NTPCR: variants seen among roughly 807,000 people sequenced by gnomAD.
NTPCR encodes cancer-related nucleoside-triphosphatase.
In NTPCR, 15 loss-of-function variants were observed where a neutral mutation model predicts 19.5. The ratio of observed to expected loss-of-function variants is 0.77; its 90% confidence interval spans 0.51 to 1.18. The LOEUF (loss-of-function observed/expected upper bound fraction) is 1.18, where lower values mean the gene tolerates loss of function less well. NTPCR is among the 50% of genes most tolerant of loss of function. The probability of loss-of-function intolerance (pLI) is 0.00; values close to 1 mark genes in which losing one functional copy is unlikely to be tolerated. For missense variants in NTPCR, 206 were observed against 240.4 expected, an observed-to-expected ratio of 0.86 and a Z score of 0.95; for synonymous variants, 90 against 95.8, an observed-to-expected ratio of 0.94 and a Z score of 0.36.
At chr1:232,961,726 T>A (rs1291342041) in intron 3 of NTPCR, among the ~76,000 whole-genome samples, 2 of 152,226 alleles carry the variant, frequency 1.3e-5, no homozygotes, top group African/African-American at 2.4e-5. Context: ...ATGCTTTTTT[T>A]AAACATTTAT....
intron 3 of NTPCR, chr1:232,967,863 C>A (rs1420405178): frequency 1.3e-5 from 2 of 152,214 alleles, no homozygotes; most frequent in African/African-American, 4.8e-5. Context: ...CACTTGGGAA[C>A]AGTCGGGTCA....
chr1:232,963,162 T>C (rs1363428378), intron 3 of NTPCR: 1 of 152,230 alleles, frequency 6.6e-6, no homozygotes, highest in East Asian at 1.9e-4. Context: ...AATTAAAAGC[T>C]ATCTGGCGCA....
At position 232,969,938 on chromosome 1, in the gene NTPCR, AGT is replaced by A. The variant is rs772094652; in HGVS notation, c.328_329del (p.Cys110ArgfsTer4). 6 of 1,614,172 alleles carry A rather than the reference AGT, an allele frequency of 3.7e-6. No individual in the cohort carries two copies. The highest frequency in any genetic ancestry group is 4.2e-6 in the Non-Finnish European group (5 of 1,180,018). On this transcript the variant is annotated frameshift_variant, in exon 4 of 5. Coordinates refer to ENST00000366628, the MANE Select transcript of NTPCR (RefSeq NM_032324.3). LOFTEE classifies it high-confidence loss of function. ...ACTGCAGCAGTGGCCCAGGGCAAAG[AGT>A]GTGCGTCATCGATGAGATTGGGAAG... ...ADCSSGPGQR[V>X]CVIDEIGKME...
At chr1:232,967,689 T>C (rs1571962731) in intron 3 of NTPCR, 1 of 152,366 alleles carries the variant, frequency 6.6e-6, no homozygotes, top group South Asian at 2.1e-4. Context: ...TACATGTGCA[T>C]GTGTACACAC....
At chr1:232,976,515 G>A in intron 4 of NTPCR, 1 of 1,534,192 alleles carries the variant, frequency 6.5e-7, no homozygotes, top group Non-Finnish European at 8.8e-7. Flanking sequence ...ACCTCAGGTG[G>A]ATTCCTTGAA....
intron 1 of NTPCR, among the ~76,000 whole-genome samples, chr1:232,954,746 A>T (rs1027502865): frequency 6.6e-6 from 1 of 152,198 alleles, no homozygotes; most frequent in Non-Finnish European, 1.5e-5. Context: ...GTCTGGCTCC[A>T]TGACGTCAGT....
chr1:232,956,529 C>A, intron 3 of NTPCR, 86 bp downstream of exon 3: 1 of 873,636 alleles, frequency 1.1e-6, no homozygotes, highest in Non-Finnish European at 1.9e-6. Flanking sequence ...ATGCCTTTTG[C>A]TCTTAAAGGC....
intron 4 of NTPCR, among the ~76,000 whole-genome samples, chr1:232,977,860 C>G (rs967983245): frequency 9.9e-5 from 15 of 152,190 alleles, no homozygotes; most frequent in South Asian, 6.2e-4. Flanking sequence ...GTGTGCCCAT[C>G]ATCCGTCCCG....
intron 3 of NTPCR, among the ~76,000 whole-genome samples, chr1:232,961,436 T>C (rs768062086): frequency 2.0e-5 from 3 of 152,246 alleles, no homozygotes; most frequent in Non-Finnish European, 4.4e-5. Context: ...AACACACTGC[T>C]TTGTTTTGAT....
chr1:232,962,455 C>T (rs1668692779), intron 3 of NTPCR: 1 of 152,112 alleles, frequency 6.6e-6, no homozygotes, highest in South Asian at 2.1e-4. Context: ...TTTCTGTTTT[C>T]TAATGATCAA....
intron 3 of NTPCR, chr1:232,963,353 C>A (rs192076647): frequency 6.6e-6 from 1 of 152,066 alleles, no homozygotes; most frequent in Admixed American, 6.6e-5. Flanking sequence ...TGATTGTTGG[C>A]GAGATTCTGT....
chr1:232,954,770 A>G (rs1019108272), intron 1 of NTPCR, among the ~76,000 whole-genome samples: 1 of 152,214 alleles, frequency 6.6e-6, no homozygotes, highest in African/African-American at 2.4e-5. Context: ...GAGTATTACT[A>G]TATTAGGTAG....
chr1:232,955,540 T>C lies in NTPCR; in HGVS notation c.35-17T>C. On this transcript the variant is annotated splice_polypyrimidine_tract_variant and intron_variant, in intron 1 of 4. Transcript: ENST00000366628. Reference sequence around the variant, plus strand: ...TAATGGGCTTTTCTTCTTTTTTTTTTTTTTTTTTTATTTTAGGAGTTGGAA... The same window carrying C: ...TAATGGGCTTTTCTTCTTTTTTTTTCTTTTTTTTTATTTTAGGAGTTGGAA... 6.7e-7 allele frequency: 1 copy of C among 1,491,478 alleles called. No individual in the cohort carries two copies. The highest frequency in any genetic ancestry group is 8.9e-7 in the Non-Finnish European group (1 of 1,128,468). The allele number at this position is 1,491,478 out of a possible 1,614,324, so 92.4% of individuals were successfully genotyped here. A position where few individuals can be genotyped will look rare whatever the true frequency, so the allele number is the denominator to read the frequency against.
At chr1:232,960,596 C>A (rs1000134563) in intron 3 of NTPCR, among the ~76,000 whole-genome samples, 1 of 152,144 alleles carries the variant, frequency 6.6e-6, no homozygotes, top group Non-Finnish European at 1.5e-5. Context: ...CCCACCTTGG[C>A]CTCCCAAAGT....
chr1:232,955,530 CTTTT>C (rs55951151), intron 1 of NTPCR, 23 bp from the exon 2 acceptor site: 484 of 1,347,798 alleles, frequency 3.6e-4, no homozygotes, highest in Admixed American at 7.0e-4. Flanking sequence ...GGCTTTTCTT[CTTTT>C]TTTTTTTTTT....
intron 4 of NTPCR, chr1:232,976,257 A>T: frequency 7.1e-7 from 1 of 1,403,764 alleles, no homozygotes; most frequent in Non-Finnish European, 9.3e-7. Context: ...TGTCACTTTA[A>T]ATTATCATTT....
chr1:232,958,112 T>C (rs1277269770), intron 3 of NTPCR, among the ~76,000 whole-genome samples: 1 of 152,164 alleles, frequency 6.6e-6, no homozygotes, highest in Non-Finnish European at 1.5e-5. Context: ...GGAATGTGAG[T>C]GTCATTTAAT....
chr1:232,959,836 T>A (rs1034102679), intron 3 of NTPCR, among the ~76,000 whole-genome samples: 3 of 152,008 alleles, frequency 2.0e-5, no homozygotes, highest in African/African-American at 7.2e-5. Flanking sequence ...GTGTGTGTTT[T>A]AATACTACAA....
At chr1:232,955,461 T>C (rs574350235) in intron 1 of NTPCR, 96 bp from the exon 2 acceptor site, 3 of 982,338 alleles carry the variant, frequency 3.1e-6, no homozygotes, top group East Asian at 2.8e-5. Context: ...CCCACCATAA[T>C]TGCTGCCTCA....
Sources: allele counts gnomAD v4.1 joint callset (sites outside exome capture counted in the v4.1 genomes callset), GRCh38; gene constraint gnomAD v4.1.1; transcripts MANE v1.5; gene names NCBI Gene and HGNC (gene_info 2026-07-23, HGNC 2026-07-21).